Variants in UACA observed in about 807,000 individuals in gnomAD.
UACA encodes nuclear membrane binding protein.
UACA carries 112 observed loss-of-function variants against 160.5 expected under a neutral mutation model. The ratio of observed to expected loss-of-function variants is 0.70; its 90% CI spans 0.60 to 0.82. The LOEUF (loss-of-function observed/expected upper bound fraction) is 0.82, where lower values mean the gene tolerates loss of function less well. Among genes scored for constraint, UACA ranks in the 40% least tolerant of loss-of-function variants. The pLI is 0.00. For synonymous variants in UACA, 557 were observed against 568.4 expected, an observed-to-expected ratio of 0.98 and a Z score of 0.29; for missense variants, 1,574 against 1,614.6, an observed-to-expected ratio of 0.97 and a Z score of 0.43.
chr15:70,692,878 A>G (rs1004773774), intron 3 of UACA, among the ~76,000 whole-genome samples: 7 of 152,210 alleles, frequency 4.6e-5, no homozygotes, highest in Admixed American at 1.3e-4. Context: ...TTGGCTTTCA[A>G]CTCTCTGGTC....
At chr15:70,675,805 G>T (rs931650620) in intron 13 of UACA, among the ~76,000 whole-genome samples, 1 of 152,156 alleles carries the variant, frequency 6.6e-6, no homozygotes, top group Non-Finnish European at 1.5e-5. Flanking sequence ...GGTATTAAGA[G>T]GTGGGGCCTT....
chr15:70,752,794 C>G (rs2030171127), intron 1 of UACA, among the ~76,000 whole-genome samples: 1 of 152,052 alleles, frequency 6.6e-6, no homozygotes, highest in African/African-American at 2.4e-5. Context: ...CACACACACC[C>G]CTCCAAATAA....
At chr15:70,682,870 A>G in intron 8 of UACA, 75 bp from the exon 9 acceptor site, 1 of 862,440 alleles carries the variant, frequency 1.2e-6, no homozygotes, top group Non-Finnish European at 1.7e-6. Flanking sequence ...CTAACTATAC[A>G]ATTGAGTCAA....
intron 1 of UACA, among the ~76,000 whole-genome samples, chr15:70,752,560 A>C (rs2030151888): frequency 2.7e-5 from 4 of 147,848 alleles, no homozygotes; most frequent in African/African-American, 7.4e-5. Flanking sequence ...CTCTCTCTCT[A>C]GAGCTCTCTT....
chr15:70,675,941 TC>T (rs1595879937), intron 13 of UACA, among the ~76,000 whole-genome samples: 1 of 152,158 alleles, frequency 6.6e-6, no homozygotes, highest in Non-Finnish European at 1.5e-5. Flanking sequence ...TCTTGGACTT[TC>T]CAGCCTCCAG....
intron 1 of UACA, among the ~76,000 whole-genome samples, chr15:70,760,789 G>T (rs111635253): frequency 6.8e-6 from 1 of 147,064 alleles, no homozygotes; most frequent in Non-Finnish European, 1.5e-5. Context: ...CCTGGCGACC[G>T]AGCGAGACTC....
Position 70,669,273 on chromosome 15 carries a change from CTT to C in UACA, c.1409_1410del (p.Lys470SerfsTer12). The C allele has an allele frequency of 6.2e-7, 1 of 1,614,042 alleles. No individual in the cohort carries two copies. Among genetic ancestry groups the C allele is most frequent in the Non-Finnish European group, 8.5e-7 (1 of 1,179,972 alleles). ...AATGCTAAAGCTTTGCATTCTGCCA[CTT>C]TGTGTGCCAGTTCATTTTGGAGCTT... Reference protein sequence around the residue: ...RLKLQNELAHKVAECKALALE... With the variant: ...RLKLQNELAHXVAECKALALE... On this transcript the variant is annotated frameshift_variant, in exon 16 of 19. Coordinates refer to ENST00000322954, the MANE Select transcript of UACA (RefSeq NM_018003.4). LOFTEE classifies it high-confidence loss of function.
In UACA at chr15:70,763,455, G is replaced by A. The variant is rs375108880; in HGVS notation, c.-48C>T. 1 of 1,281,208 alleles carries A rather than the reference G, an allele frequency of 7.8e-7. No individual in the cohort carries two copies. The allele number at this position is 1,281,208 out of a possible 1,614,324, so 79.4% of individuals were successfully genotyped here. A position where few individuals can be genotyped will look rare whatever the true frequency, so the allele number is the denominator to read the frequency against. ...GCGCGAACCTTAAAGGCTGCGGAGTGCCAGCGCGCAAGGAGTAGACGGCAG... is the reference window on the plus strand; with the variant it reads ...GCGCGAACCTTAAAGGCTGCGGAGTACCAGCGCGCAAGGAGTAGACGGCAG... On this transcript the variant is annotated 5_prime_UTR_variant, in exon 1 of 19. Coordinates refer to ENST00000322954, the MANE Select transcript of UACA (RefSeq NM_018003.4).
upstream of UACA, among the ~76,000 whole-genome samples, chr15:70,767,127 C>T (rs1444619130): frequency 1.3e-5 from 2 of 151,370 alleles, no homozygotes; most frequent in African/African-American, 2.4e-5. Flanking sequence ...GTAGTCCCAG[C>T]TACTCTGGAG....
chr15:70,760,547 G>A (rs1466070025), intron 1 of UACA, among the ~76,000 whole-genome samples: 3 of 152,074 alleles, frequency 2.0e-5, no homozygotes, highest in Non-Finnish European at 4.4e-5. Context: ...AGTGGCTCAC[G>A]CCTGTAATCC....
chr15:70,721,135 G>A (rs148683612), intron 1 of UACA, among the ~76,000 whole-genome samples: 4 of 152,324 alleles, frequency 2.6e-5, no homozygotes, highest in African/African-American at 4.8e-5. Flanking sequence ...GAGGAATGGC[G>A]TTACATACAA....
At chr15:70,690,716 G>A (rs1317801441) in intron 4 of UACA, among the ~76,000 whole-genome samples, 1 of 151,528 alleles carries the variant, frequency 6.6e-6, no homozygotes, top group Non-Finnish European at 1.5e-5. Flanking sequence ...TCACCAAACA[G>A]GAAACATATG....
intron 3 of UACA, among the ~76,000 whole-genome samples, chr15:70,691,949 G>A (rs1595891896): frequency 6.6e-6 from 1 of 152,138 alleles, no homozygotes; most frequent in Non-Finnish European, 1.5e-5. Flanking sequence ...GCCAAAGGGG[G>A]TAGGGAGGAG....
chr15:70,672,098 T>A, intron 13 of UACA, 97 bp from the exon 14 acceptor site: 1 of 1,055,626 alleles, frequency 9.5e-7, no homozygotes, highest in Non-Finnish European at 1.3e-6. Context: ...TCATTAAAAC[T>A]ACATTTTTGA....
intron 10 of UACA, 59 bp from the exon 11 acceptor site, chr15:70,678,265 G>C: frequency 2.3e-6 from 3 of 1,297,348 alleles, no homozygotes; most frequent in Non-Finnish European, 3.2e-6. Context: ...ATTCTTAAAG[G>C]AGAAATTTTT....
intron 1 of UACA, among the ~76,000 whole-genome samples, chr15:70,747,011 A>T (rs1385839896): frequency 1.3e-5 from 2 of 152,130 alleles, no homozygotes; most frequent in African/African-American, 2.4e-5. Context: ...GAAGGCTAGC[A>T]TTAGGAGAAA....
chr15:70,706,509 T>C (rs941884560), intron 1 of UACA, among the ~76,000 whole-genome samples: 1 of 142,010 alleles, frequency 7.0e-6, no homozygotes, highest in Non-Finnish European at 1.5e-5. Context: ...AATGCAATGA[T>C]CTTATTTGTT....
At chr15:70,688,940 A>C (rs74021833) in intron 5 of UACA, among the ~76,000 whole-genome samples, 2,357 of 152,288 alleles carry the variant, frequency 0.015, 61 homozygotes, top group African/African-American at 0.053. Context: ...CTCTTCTTCT[A>C]CTATAGAGTA....
Position 70,664,782 on chromosome 15 carries a change from T to G in UACA, c.3993A>C (p.Leu1331Phe). 1.9e-6 allele frequency: 3 copies of G among 1,613,510 alleles called. No homozygotes were observed. Among genetic ancestry groups the G allele is most frequent in the Non-Finnish European group, 2.5e-6 (3 of 1,179,764 alleles). ...ITELLNDVER[L>F]KQALNGLSQL... ...GGGAAAGGCCATTGAGTGCCTGTTT[T>G]AATCTTTCCACATCATTAAGCAGTT... The change falls in exon 17 of 19, where the codon TTA (leucine) becomes TTC (phenylalanine). Residue 1331 changes from leucine (L) to phenylalanine (F), a missense_variant. Physicochemically the swap from Leu to Phe is conservative, Grantham distance 22. Transcript: ENST00000322954.
Sources: allele counts gnomAD v4.1 joint callset (sites outside exome capture counted in the v4.1 genomes callset), GRCh38; gene constraint gnomAD v4.1.1; transcripts MANE v1.5; gene names NCBI Gene and HGNC (gene_info 2026-07-23, HGNC 2026-07-21).